EYS: variants seen among roughly 807,000 people sequenced by gnomAD.
The protein encoded by EYS is protein eyes shut homolog.
EYS carries 250 observed loss-of-function variants against 282.1 expected under a neutral mutation model. The ratio of observed to expected loss-of-function variants is 0.89; its 90% CI spans 0.80 to 0.98. EYS has a LOEUF of 0.98. Ranked by LOEUF, EYS falls within the 50% of genes least tolerant of loss-of-function variation. The pLI, the probability that EYS is intolerant of heterozygous loss-of-function variation, is 0.00. For synonymous variants in EYS, 1,355 were observed against 1,282.9 expected (o/e 1.06, Z -1.20); for missense variants, 4,016 against 3,709.0 (o/e 1.08, Z -2.15).
chr6:64,497,384 T>C (rs1776922985), intron 26 of EYS, among the ~76,000 whole-genome samples: 1 of 152,126 alleles, frequency 6.6e-6, no homozygotes, highest in African/African-American at 2.4e-5. Context: ...TCTAGAAGAA[T>C]AGATAGAATT....
In EYS at chr6:64,852,038, T is replaced by A. The variant is rs551665375; in HGVS notation, c.2993-29216A>T. On this transcript the variant is annotated intron_variant, in intron 19 of 42. Coordinates refer to ENST00000503581, the MANE Select transcript of EYS (RefSeq NM_001142800.2). The stretch of plus-strand genomic sequence containing the variant: ...TACATTTATATTGCTTGTGGAAAGA[T>A]CATGATTTTGGGGTAGCCACAATGT... 6.6e-5 allele frequency among the ~76,000 whole-genome samples: 10 copies of A among 152,250 alleles called. No homozygotes were observed. In the South Asian group the frequency reaches 1.5e-3, roughly 22 times the overall value.
intron 2 of EYS, among the ~76,000 whole-genome samples, chr6:65,506,478 T>C (rs1310210217): frequency 3.6e-4 from 8 of 22,358 alleles, no homozygotes; most frequent in African/African-American, 9.7e-4. Flanking sequence ...TTTTTTTTTT[T>C]TTTTTTTTTT....
chr6:64,794,831 A>C (rs1774304462), intron 22 of EYS, among the ~76,000 whole-genome samples: 1 of 152,158 alleles, frequency 6.6e-6, no homozygotes, highest in Admixed American at 6.5e-5. Flanking sequence ...TACATAATTG[A>C]GATAAAGTCT....
chr6:64,640,481 A>G (rs1768095805), intron 22 of EYS, among the ~76,000 whole-genome samples: 2 of 151,892 alleles, frequency 1.3e-5, no homozygotes, highest in Non-Finnish European at 2.9e-5. Context: ...AAGAAACCAA[A>G]CACCACATGT....
At chr6:64,092,196 G>C (rs2150252265) in intron 31 of EYS, among the ~76,000 whole-genome samples, 1 of 152,302 alleles carries the variant, frequency 6.6e-6, no homozygotes, top group South Asian at 2.1e-4. Flanking sequence ...ATTGTGAATA[G>C]TGCTGCAATA....
At chr6:65,240,696 T>C (rs1321927) in intron 12 of EYS, among the ~76,000 whole-genome samples, 1 of 152,256 alleles carries the variant, frequency 6.6e-6, no homozygotes, top group African/African-American at 2.4e-5. Flanking sequence ...AATGGGTATC[T>C]AGGTTGATTC....
At chr6:65,641,452 A>T in intron 1 of EYS, among the ~76,000 whole-genome samples, 1 of 152,180 alleles carries the variant, frequency 6.6e-6, no homozygotes, top group African/African-American at 2.4e-5. Flanking sequence ...GGCAAGTTCT[A>T]ATTTGTCCAC....
intron 13 of EYS, among the ~76,000 whole-genome samples, chr6:65,027,441 G>A (rs1200733927): frequency 6.6e-6 from 1 of 152,100 alleles, no homozygotes; most frequent in Non-Finnish European, 1.5e-5. Flanking sequence ...TTTAATTTGT[G>A]TACAATAAGT....
intron 2 of EYS, among the ~76,000 whole-genome samples, chr6:65,547,736 T>C (rs1311752048): frequency 1.3e-5 from 2 of 152,212 alleles, no homozygotes; most frequent in African/African-American, 4.8e-5. Flanking sequence ...AATTTTGTTG[T>C]TGTTATTCTT....
rs547767119 is a variant in EYS at position 65,484,693 on chromosome 6, T to C, written c.862+5901A>G. Among the ~76,000 whole-genome samples, 17 of 152,218 alleles carry C rather than the reference T, an allele frequency of 1.1e-4. No individual in the cohort carries two copies. The South Asian group carries it at 1.2e-3, about 11-fold the overall frequency. On this transcript the variant is annotated intron_variant, in intron 5 of 42. Transcript: ENST00000503581. The stretch of plus-strand genomic sequence containing the variant: ...AGTAGGAACGACAGGAAATTATGAG[T>C]TATGTCTATGTTATATGTGAGAGGA...
intron 7 of EYS, among the ~76,000 whole-genome samples, chr6:65,399,450 A>G (rs1201417255): frequency 6.6e-6 from 1 of 152,046 alleles, no homozygotes; most frequent in Non-Finnish European, 1.5e-5. Context: ...TATACATAGC[A>G]TAGTAAAATA....
intron 22 of EYS, chr6:64,733,763 AACC>A (rs1273237925): frequency 6.1e-6 from 1 of 163,578 alleles, no homozygotes; most frequent in Non-Finnish European, 1.4e-5. Context: ...GCTGCACTCA[AACC>A]ACCACCAAGA....
chr6:65,317,825 C>CCTTCCTTCCTTCCTTTCTTTCTTT (rs1562092985), intron 11 of EYS, among the ~76,000 whole-genome samples: 2 of 81,234 alleles, frequency 2.5e-5, no homozygotes, highest in African/African-American at 5.2e-5. Context: ...TTCCTTCCTT[C>CCTTCCTTCCTTCCTTTCTTTCTTT]CTTTCTTTCT....
Position 65,494,679 on chromosome 6 carries a change from A to T in EYS, c.732T>A (p.Cys244Ter), listed in dbSNP as rs1562220891. 2 of 1,570,776 alleles carry T rather than the reference A, an allele frequency of 1.3e-6. No homozygotes were observed. The highest frequency in any genetic ancestry group is 1.7e-6 in the Non-Finnish European group (2 of 1,156,036). The change falls in exon 4 of 43, where the codon TGT (cysteine) becomes TGA (stop). Residue 244 changes from cysteine to a stop codon, truncating the protein, a stop_gained. Coordinates refer to ENST00000503581, the MANE Select transcript of EYS (RefSeq NM_001142800.2). LOFTEE classifies it high-confidence loss of function. ...CAATCTTACCTGTAAATGGTGGGTG[A>T]CAGACACATTCATATGCTTGCTCAT... Reference protein sequence around the residue: ...NWDEQAYECVCHPPFTGKNCS... With the variant: ...NWDEQAYECV
chr6:64,525,976 A>G (rs1185338947), intron 26 of EYS, among the ~76,000 whole-genome samples: 1 of 151,838 alleles, frequency 6.6e-6, no homozygotes, highest in African/African-American at 2.4e-5. Flanking sequence ...AAAACCTCTA[A>G]TATCATCTGT....
chr6:64,616,186 T>G lies in EYS; in HGVS notation c.3684+1232A>C, dbSNP rs77094532. Among the ~76,000 whole-genome samples the G allele has an allele frequency of 3.3e-5, 5 of 152,250 alleles. No homozygotes were observed. The East Asian group carries it at 9.7e-4, about 29-fold the overall frequency. ...TGCACTGGCAGAAGACATAGTTAAATAAAAGACACATCTCAGTATTTTGCT... is the reference window on the plus strand; with the variant it reads ...TGCACTGGCAGAAGACATAGTTAAAGAAAAGACACATCTCAGTATTTTGCT... On this transcript the variant is annotated intron_variant, in intron 24 of 42. Transcript: ENST00000503581.
At chr6:65,105,102 TAACTATTGTTTTGAA>T in intron 12 of EYS, among the ~76,000 whole-genome samples, 1 of 151,862 alleles carries the variant, frequency 6.6e-6, no homozygotes, top group South Asian at 2.1e-4. Context: ...TGTTTCCTTT[TAACTATTGTTTTGAA>T]AAAAACTTTT....
chr6:64,617,575 ATAATAAAAACAGT>A, intron 23 of EYS, 42 bp from the exon 24 acceptor site: 2 of 1,133,442 alleles, frequency 1.8e-6, no homozygotes, highest in South Asian at 2.7e-5. Flanking sequence ...ATTTTTAATG[ATAATAAAAACAGT>A]TATGCTAATA....
At chr6:64,418,385 C>A (rs918558091) in intron 28 of EYS, among the ~76,000 whole-genome samples, 1 of 152,142 alleles carries the variant, frequency 6.6e-6, no homozygotes, top group African/African-American at 2.4e-5. Context: ...TATGCTATTT[C>A]TTATAGGGCA....
Sources: gnomAD v4.1 joint callset for allele counts (sites outside exome capture counted in the v4.1 genomes callset) on GRCh38, gnomAD v4.1.1 for gene constraint, MANE v1.5 for transcripts, NCBI Gene and HGNC (gene_info 2026-07-23, HGNC 2026-07-21) for gene names.